HSCB: variants seen among roughly 807,000 people sequenced by gnomAD.
HSCB encodes iron-sulfur cluster co-chaperone protein HscB.
A neutral mutation model predicts 31.3 loss-of-function variants in HSCB; 23 were observed. That is an observed-to-expected ratio of 0.74 (90% CI 0.53 to 1.04). The LOEUF is 1.04. HSCB is among the 50% of genes least tolerant of loss of function. HSCB has a pLI of 0.00. For synonymous variants in HSCB, 110 were observed against 104.5 expected (o/e 1.05, Z -0.32); for missense variants, 297 against 288.1 (o/e 1.03, Z -0.22).
chr22:28,742,602 G>A, intron 1 of HSCB: 1 of 498,624 alleles, frequency 2.0e-6, no homozygotes, highest in Non-Finnish European at 3.5e-6. Flanking sequence ...GGGGGCCGAG[G>A]CTAGAGGGGA....
chr22:28,751,538 G>C (rs1163406487), intron 5 of HSCB, among the ~76,000 whole-genome samples: 1 of 152,176 alleles, frequency 6.6e-6, no homozygotes, highest in East Asian at 1.9e-4. Context: ...ACGAAGTCAG[G>C]AGATTGAGAC....
intron 4 of HSCB, among the ~76,000 whole-genome samples, chr22:28,750,738 G>A (rs2030172231): frequency 6.6e-6 from 1 of 152,086 alleles, no homozygotes. Flanking sequence ...GATAGCTGCT[G>A]CTTTATTTTG....
intron 5 of HSCB, among the ~76,000 whole-genome samples, chr22:28,756,137 A>G (rs1390434482): frequency 6.6e-6 from 1 of 151,608 alleles, no homozygotes; most frequent in Non-Finnish European, 1.5e-5. Flanking sequence ...AGTACCAGCT[A>G]CTCTGGAGAC....
intron 1 of HSCB, 85 bp from the exon 2 acceptor site, chr22:28,743,797 T>A: frequency 8.9e-7 from 1 of 1,123,886 alleles, no homozygotes; most frequent in Non-Finnish European, 1.3e-6. Flanking sequence ...TATTGCATCT[T>A]CCCCATAAGA....
At position 28,746,831 on chromosome 22, in the gene HSCB, G is replaced by A. The variant is rs142010681; in HGVS notation, c.568+823G>A. On this transcript the variant is annotated intron_variant, in intron 4 of 5. Coordinates refer to ENST00000216027, the MANE Select transcript of HSCB (RefSeq NM_172002.5). ...GGAGAATCGCTTGAGCTTGGGAGGC[G>A]GAGCTTGCAGTGAGCCCAGATCGTG... Among the ~76,000 whole-genome samples, 601 of 151,884 alleles carry A rather than the reference G, an allele frequency of 4.0e-3. 4 individuals carry two copies. The highest frequency in any genetic ancestry group is 0.013 in the African/African-American group (556 of 41,410).
Position 28,757,212 on chromosome 22 carries a change from C to T in HSCB, c.*43C>T, listed in dbSNP as rs2030667256. On this transcript the variant is annotated 3_prime_UTR_variant, in exon 6 of 6. Coordinates refer to ENST00000216027, the MANE Select transcript of HSCB (RefSeq NM_172002.5). The stretch of plus-strand genomic sequence containing the variant: ...TTTAAAAAATAAAGTTCTTGCTGGG[C>T]ACAGTGGCTCACACCTGTAATCCCA... 6 of 998,264 alleles carry T rather than the reference C, an allele frequency of 6.0e-6. No individual in the cohort carries two copies. Among genetic ancestry groups the T allele is most frequent in the Non-Finnish European group, 9.5e-6 (6 of 632,062 alleles). The allele number at this position is 998,264 out of a possible 1,614,324, so 61.8% of individuals were successfully genotyped here. A position where few individuals can be genotyped will look rare whatever the true frequency, so the allele number is the denominator to read the frequency against.
intron 5 of HSCB, among the ~76,000 whole-genome samples, chr22:28,751,651 C>T (rs2036597020): frequency 6.6e-6 from 1 of 151,168 alleles, no homozygotes. Context: ...GAGGCTGAGG[C>T]AGGAGAATCG....
chr22:28,744,796 C>T, intron 3 of HSCB, 92 bp downstream of exon 3: 1 of 1,018,176 alleles, frequency 9.8e-7, no homozygotes, highest in Non-Finnish European at 1.5e-6. Context: ...CAGAAGAGTG[C>T]TTGAGGTCAG....
chr22:28,743,060 T>C (rs1305129314), intron 1 of HSCB, among the ~76,000 whole-genome samples: 1 of 152,116 alleles, frequency 6.6e-6, no homozygotes, highest in East Asian at 1.9e-4. Flanking sequence ...AAAGAAAACA[T>C]GATTCAGTCA....
At chr22:28,752,429 CAAAA>C (rs564221588) in intron 5 of HSCB, among the ~76,000 whole-genome samples, 5 of 65,964 alleles carry the variant, frequency 7.6e-5, no homozygotes, top group Admixed American at 5.5e-4. Context: ...GACTTTGTCT[CAAAA>C]AAAAAAAAAA....
chr22:28,745,659 G>T, intron 3 of HSCB: 1 of 438,736 alleles, frequency 2.3e-6, no homozygotes. Context: ...TCACACCAAG[G>T]TCACATAGTT....
intron 1 of HSCB, among the ~76,000 whole-genome samples, chr22:28,743,026 C>T (rs1264399558): frequency 8.6e-5 from 13 of 151,934 alleles, no homozygotes; most frequent in Admixed American, 8.5e-4. Flanking sequence ...GGGACCTGGG[C>T]CGTGGAAAAG....
chr22:28,748,878 G>A (rs1447449698), intron 4 of HSCB, among the ~76,000 whole-genome samples: 3 of 152,044 alleles, frequency 2.0e-5, no homozygotes, highest in Admixed American at 6.6e-5. Flanking sequence ...GATGGCTTAC[G>A]CCTGTAATCC....
chr22:28,748,746 A>C (rs1320394136), intron 4 of HSCB, among the ~76,000 whole-genome samples: 1 of 151,832 alleles, frequency 6.6e-6, no homozygotes, highest in Non-Finnish European at 1.5e-5. Context: ...CAAACTCCTG[A>C]CCTCAGGTGA....
chr22:28,748,509 T>G (rs762541644), intron 4 of HSCB, among the ~76,000 whole-genome samples: 4 of 151,734 alleles, frequency 2.6e-5, no homozygotes, highest in African/African-American at 4.9e-5. Flanking sequence ...AGCGTTTTTT[T>G]TTGTTGTTTT....
intron 4 of HSCB, 117 bp from the exon 5 acceptor site, chr22:28,751,124 A>G (rs764144167): frequency 1.5e-6 from 1 of 648,472 alleles, no homozygotes; most frequent in Admixed American, 2.9e-5. Context: ...CTTACCCTTG[A>G]ATACAAACTT....
intron 5 of HSCB, among the ~76,000 whole-genome samples, chr22:28,756,250 A>C (rs993207535): frequency 7.6e-6 from 1 of 131,118 alleles, no homozygotes. Flanking sequence ...TCCATCTCAC[A>C]AAAAAAAAAA....
Position 28,744,595 on chromosome 22 carries a change from A to G in HSCB, c.334-20A>G, listed in dbSNP as rs564429397. The G allele has an allele frequency of 5.2e-6, 8 of 1,544,116 alleles. No individual in the cohort carries two copies. The African/African-American group carries it at 8.2e-5, about 16-fold the overall frequency. ...TTGTGATTTGGATGGTAATAGTACTATCTTCATCTCCACTAACAGACTGAA... is the reference window on the plus strand; with the variant it reads ...TTGTGATTTGGATGGTAATAGTACTGTCTTCATCTCCACTAACAGACTGAA... On this transcript the variant is annotated intron_variant, in intron 2 of 5. Transcript: ENST00000216027.
At chr22:28,743,823 A>G (rs1481736414) in intron 1 of HSCB, 59 bp from the exon 2 acceptor site, 3 of 1,410,896 alleles carry the variant, frequency 2.1e-6, no homozygotes, top group South Asian at 1.1e-5. Context: ...AACCAGGCTC[A>G]TGGTAGATAA....
Sources: allele counts gnomAD v4.1 joint callset (sites outside exome capture counted in the v4.1 genomes callset), GRCh38; gene constraint gnomAD v4.1.1; transcripts MANE v1.5; gene names NCBI Gene and HGNC (gene_info 2026-07-23, HGNC 2026-07-21).